The following SLC4A3 variants were observed in gnomAD, a reference collection of about 807,000 sequenced individuals.
SLC4A3 encodes solute carrier family 4 member 3.
SLC4A3 carries 47 observed loss-of-function variants against 114.2 expected under a neutral mutation model. The observed-to-expected ratio is 0.41, with a 90% CI of 0.33 to 0.52. The LOEUF (loss-of-function observed/expected upper bound fraction) is 0.52, where lower values mean the gene tolerates loss of function less well. SLC4A3 is among the 20% of genes least tolerant of loss of function. SLC4A3 has a pLI of 0.21. For synonymous variants in SLC4A3, 693 were observed against 710.3 expected (o/e 0.98, Z 0.39); for missense variants, 1,312 against 1,668.3 (o/e 0.79, Z 3.72).
Position 219,637,477 on chromosome 2 carries a change from C to T in SLC4A3, c.2536-104C>T. The T allele has an allele frequency of 1.5e-6, 1 of 650,540 alleles. No individual in the cohort carries two copies. The highest frequency in any genetic ancestry group is 2.7e-5 in the East Asian group (1 of 37,490). The allele number at this position is 650,540 out of a possible 1,614,324, so 40.3% of individuals were successfully genotyped here. A position where few individuals can be genotyped will look rare whatever the true frequency, so the allele number is the denominator to read the frequency against. ...ATGTCCGTGCATTACTGTTGTCTGACCAGGTATTGAGGGGCCACCCTCTCT... is the reference window on the plus strand; with the variant it reads ...ATGTCCGTGCATTACTGTTGTCTGATCAGGTATTGAGGGGCCACCCTCTCT... On this transcript the variant is annotated intron_variant, in intron 16 of 22. Transcript: ENST00000358055. This position sits in a 1 kb window ranked among gnomAD's most constrained non-coding sequence, Gnocchi z 4.6.
intron 9 of SLC4A3, 93 bp downstream of exon 9, chr2:219,633,102 A>T: frequency 2.0e-6 from 3 of 1,495,490 alleles, no homozygotes; most frequent in Non-Finnish European, 2.8e-6. Flanking sequence ...CTCTGCTTGA[A>T]TGCCACAAGT....
In SLC4A3 at chr2:219,637,885, AC is replaced by A; in HGVS notation, c.2766+78del. 8.0e-7 allele frequency: 1 copy of A among 1,242,432 alleles called. No homozygotes were observed. Among genetic ancestry groups the A allele is most frequent in the Non-Finnish European group, 1.2e-6 (1 of 851,468 alleles). 77.0% of individuals were successfully genotyped at this position (1,242,432 alleles called of 1,614,324 possible). On this transcript the variant is annotated intron_variant, in intron 17 of 22. Transcript: ENST00000358055. This position sits in a 1 kb window ranked among gnomAD's most constrained non-coding sequence, Gnocchi z 4.6. ...TGTAGGAGCTCCCCAGAGAGGCTGC[AC>A]CCCTTCCCCGGTCAGCCCATGGACC...
In SLC4A3 at chr2:219,641,024, T is replaced by G; in HGVS notation, c.3621+62T>G. ...CAAATGGGCACTGGGTTCCAATCTC[T>G]GTTTGGCCACCCACTAGTTGTGTTA... On this transcript the variant is annotated intron_variant, in intron 22 of 22. Transcript: ENST00000358055. The surrounding 1 kb of genome is among the most constrained non-coding windows in gnomAD (Gnocchi z 4.0). 6.1e-6 allele frequency: 9 copies of G among 1,485,706 alleles called. No individual in the cohort carries two copies. The highest frequency in any genetic ancestry group is 8.2e-6 in the Non-Finnish European group (9 of 1,092,760). 92.0% of individuals were successfully genotyped at this position (1,485,706 alleles called of 1,614,324 possible). A position where few individuals can be genotyped will look rare whatever the true frequency, so the allele number is the denominator to read the frequency against.
At position 219,641,327 on chromosome 2, in the gene SLC4A3, A is replaced by C. The variant is rs1206649489; in HGVS notation, c.3622-324A>C. Among the ~76,000 whole-genome samples, 1 of 152,208 alleles carries C rather than the reference A, an allele frequency of 6.6e-6. No individual in the cohort carries two copies. Among genetic ancestry groups the C allele is most frequent in the East Asian group, 1.9e-4 (1 of 5,200 alleles). ...TCCACCCTGAGCCCTGTTTTTGTCA[A>C]CTAGAGGAAAAGACATCTTTTTGCA... On this transcript the variant is annotated intron_variant, in intron 22 of 22. Coordinates refer to ENST00000358055, the MANE Select transcript of SLC4A3 (RefSeq NM_005070.4). This position sits in a 1 kb window ranked among gnomAD's most constrained non-coding sequence, Gnocchi z 4.0.
At chr2:219,635,538 C>T in intron 13 of SLC4A3, 42 bp downstream of exon 13, 1 of 1,529,552 alleles carries the variant, frequency 6.5e-7, no homozygotes. Flanking sequence ...ACACACTCCC[C>T]CATCCCAGGG....
rs1574643550 is a variant in SLC4A3, at chr2:219,628,953, A to C, written c.218-191A>C. 6.7e-6 allele frequency among the ~76,000 whole-genome samples: 1 copy of C among 149,806 alleles called. No individual in the cohort carries two copies. On this transcript the variant is annotated intron_variant, in intron 3 of 22. Transcript: ENST00000358055. This position sits in a 1 kb window ranked among gnomAD's most constrained non-coding sequence, Gnocchi z 4.8. ...CCTTCATGACCTTCCCTGTCCATCC[A>C]CCCTCTCCTCCCACTCCACCAGACC...
At chr2:219,632,183 T>G (rs1216968433) in intron 7 of SLC4A3, 67 bp downstream of exon 7, 2 of 1,607,314 alleles carry the variant, frequency 1.2e-6, no homozygotes, top group African/African-American at 2.7e-5. Flanking sequence ...CCTCCTCTCT[T>G]TGCCCCCCTG....
At position 219,631,750 on chromosome 2, in the gene SLC4A3, C is replaced by T. The variant is rs990682379; in HGVS notation, c.812-218C>T. Among the ~76,000 whole-genome samples the T allele has an allele frequency of 7.2e-5, 11 of 152,154 alleles. No homozygotes were observed. Among genetic ancestry groups the T allele is most frequent in the Admixed American group, 2.0e-4 (3 of 15,292 alleles). On this transcript the variant is annotated intron_variant, in intron 6 of 22. Coordinates refer to ENST00000358055, the MANE Select transcript of SLC4A3 (RefSeq NM_005070.4). The surrounding 1 kb of genome is among the most constrained non-coding windows in gnomAD (Gnocchi z 6.3). ...GTCTACCTTTGGATTGCATCTTGGC[C>T]GGTGGTCCCAGGTGACCATGGGGAG...
rs988772056 is a variant in SLC4A3, at chr2:219,631,526, C to G, written c.812-442C>G. 4 of 1,246,524 alleles carry G rather than the reference C, an allele frequency of 3.2e-6. No homozygotes were observed. In the African/African-American group the frequency reaches 4.6e-5, roughly 14 times the overall value. The allele number at this position is 1,246,524 out of a possible 1,614,324, so 77.2% of individuals were successfully genotyped here. ...GGTGGGGCAGACAGGAGGAAGGGAGCGAAGCCCTGCCTGAGTCTACTGGGC... is the reference window on the plus strand; with the variant it reads ...GGTGGGGCAGACAGGAGGAAGGGAGGGAAGCCCTGCCTGAGTCTACTGGGC... On this transcript the variant is annotated intron_variant, in intron 6 of 22. Coordinates refer to ENST00000358055, the MANE Select transcript of SLC4A3 (RefSeq NM_005070.4). This position sits in a 1 kb window ranked among gnomAD's most constrained non-coding sequence, Gnocchi z 6.3.
Position 219,638,303 on chromosome 2 carries a change from A to T in SLC4A3, c.2856+50A>T. 7.1e-7 allele frequency: 1 copy of T among 1,405,312 alleles called. No individual in the cohort carries two copies. Among genetic ancestry groups the T allele is most frequent in the Non-Finnish European group, 1.0e-6 (1 of 1,002,632 alleles). 87.1% of individuals were successfully genotyped at this position (1,405,312 alleles called of 1,614,324 possible). A position where few individuals can be genotyped will look rare whatever the true frequency, so the allele number is the denominator to read the frequency against. ...GCTGCTGTCACCCCCAGGCCAGGAG[A>T]GGGAGCCCACAACACACTTCCATGG... On this transcript the variant is annotated intron_variant, in intron 18 of 22. Coordinates refer to ENST00000358055, the MANE Select transcript of SLC4A3 (RefSeq NM_005070.4). This position sits in a 1 kb window ranked among gnomAD's most constrained non-coding sequence, Gnocchi z 7.5.
intron 20 of SLC4A3, among the ~76,000 whole-genome samples, 184 bp from the exon 21 acceptor site, chr2:219,640,243 CCTT>C (rs1379696091): frequency 7.7e-6 from 1 of 130,564 alleles, no homozygotes; most frequent in African/African-American, 2.8e-5. Context: ...CCCCGCCCCT[CCTT>C]CTCTTGTTCA....
Position 219,628,586 on chromosome 2 carries a change from AC to A in SLC4A3, c.217+20del. The A allele has an allele frequency of 6.2e-7, 1 of 1,609,460 alleles. No homozygotes were observed. Among genetic ancestry groups the A allele is most frequent in the Admixed American group, 1.7e-5 (1 of 58,968 alleles). ...GACTTTGAGTGTGGGTAGCCTGGGG[AC>A]CCCTAGTGCGGCCGCCCTCGCCACC... is the stretch of plus-strand genomic sequence containing the variant. On this transcript the variant is annotated intron_variant, in intron 3 of 22. Coordinates refer to ENST00000358055, the MANE Select transcript of SLC4A3 (RefSeq NM_005070.4). The surrounding 1 kb of genome is among the most constrained non-coding windows in gnomAD (Gnocchi z 4.8).
In SLC4A3 at chr2:219,637,399, G is replaced by A. The variant is rs1315956292; in HGVS notation, c.2536-182G>A. On this transcript the variant is annotated intron_variant, in intron 16 of 22. Coordinates refer to ENST00000358055, the MANE Select transcript of SLC4A3 (RefSeq NM_005070.4). This position sits in a 1 kb window ranked among gnomAD's most constrained non-coding sequence, Gnocchi z 4.6. ...GTGTGTGTTGTTACGTGTTGTGTGT[G>A]TTGTATGTGTGTGTTCTGTGTGTTC... 1.3e-5 allele frequency among the ~76,000 whole-genome samples: 2 copies of A among 151,872 alleles called. No homozygotes were observed. Among genetic ancestry groups the A allele is most frequent in the African/African-American group, 4.8e-5 (2 of 41,340 alleles).
At position 219,638,933 on chromosome 2, in the gene SLC4A3, T is replaced by C. The variant is rs1574657727; in HGVS notation, c.3023+64T>C. Reference sequence around the variant, plus strand: ...CAAGCTCCTTGGCTCCTTGGCTTGGTTTCAGGGTTATAGCAGGGACATCAT... The same window carrying C: ...CAAGCTCCTTGGCTCCTTGGCTTGGCTTCAGGGTTATAGCAGGGACATCAT... On this transcript the variant is annotated intron_variant, in intron 19 of 22. Coordinates refer to ENST00000358055, the MANE Select transcript of SLC4A3 (RefSeq NM_005070.4). The surrounding 1 kb of genome is among the most constrained non-coding windows in gnomAD (Gnocchi z 7.5). The C allele has an allele frequency of 6.4e-7, 1 of 1,561,178 alleles. No homozygotes were observed. The highest frequency in any genetic ancestry group is 1.1e-5 in the South Asian group (1 of 88,582).
Position 219,630,986 on chromosome 2 carries a change from G to A in SLC4A3, c.811+634G>A. The A allele has an allele frequency of 2.4e-6, 1 of 417,148 alleles. No individual in the cohort carries two copies. The highest frequency in any genetic ancestry group is 3.4e-6 in the Non-Finnish European group (1 of 293,386). 25.8% of individuals were successfully genotyped at this position (417,148 alleles called of 1,614,324 possible). The stretch of plus-strand genomic sequence containing the variant: ...ACGTCATGGAAAGTTGCCAGGGCCT[G>A]AGGACAGGGACAGGAACAATCCGAT... On this transcript the variant is annotated intron_variant, in intron 6 of 22. Transcript: ENST00000358055. The surrounding 1 kb of genome is among the most constrained non-coding windows in gnomAD (Gnocchi z 6.9).
In SLC4A3 at chr2:219,628,428, C is replaced by T; in HGVS notation, c.75C>T (p.Pro25=). ...AGGTCCGGGTGCCCTTGGAGGAGCC[C>T]CCTCTAAGTCCAGACGTGGAGGAGG... ...LPQVRVPLEE[P]PLSPDVEEED... Residue 25 remains proline, a synonymous_variant, in exon 3 of 23, where the codon CCC becomes CCT. Transcript: ENST00000358055. The surrounding 1 kb of genome is among the most constrained non-coding windows in gnomAD (Gnocchi z 4.8). The T allele has an allele frequency of 6.2e-7, 1 of 1,612,862 alleles. No homozygotes were observed. The highest frequency in any genetic ancestry group is 8.5e-7 in the Non-Finnish European group (1 of 1,179,620).
intron 20 of SLC4A3, among the ~76,000 whole-genome samples, 194 bp from the exon 21 acceptor site, chr2:219,640,236 C>G (rs1376329396): frequency 1.7e-5 from 2 of 117,686 alleles, no homozygotes; most frequent in African/African-American, 6.5e-5. Flanking sequence ...CCCCCCCCCC[C>G]GCCCCTCCTT....
rs1291509257 is a variant in SLC4A3 at position 219,641,891 on chromosome 2, G to T, written c.*163G>T. 2 of 609,440 alleles carry T rather than the reference G, an allele frequency of 3.3e-6. No homozygotes were observed. The highest frequency in any genetic ancestry group is 5.9e-6 in the Non-Finnish European group (2 of 340,518). 37.8% of individuals were successfully genotyped at this position (609,440 alleles called of 1,614,324 possible). On this transcript the variant is annotated 3_prime_UTR_variant, in exon 23 of 23. Coordinates refer to ENST00000358055, the MANE Select transcript of SLC4A3 (RefSeq NM_005070.4). The surrounding 1 kb of genome is among the most constrained non-coding windows in gnomAD (Gnocchi z 4.0). Reference sequence around the variant, plus strand: ...GAGTGGCCCCCCTGACTTCTGCCCGGGGTGTTGACCTCGCCTCACCTTTCA... The same window carrying T: ...GAGTGGCCCCCCTGACTTCTGCCCGTGGTGTTGACCTCGCCTCACCTTTCA...
rs778676773 is a variant in SLC4A3 at position 219,630,167 on chromosome 2, G to C, written c.626G>C (p.Arg209Pro). ...TGCCTCCCCAGCTCCCCCAGCCCCC[G>C]GGCCCGGGCCTCCCGACTCGCTGGG... is the stretch of plus-strand genomic sequence containing the variant. The part of the protein sequence containing the change: ...PQHSSSSPSP[R>P]ARASRLAGEK... The change falls in exon 6 of 23, where the codon CGG becomes CCG. Residue 209 changes from arginine to proline, a missense_variant. This residue lies in a region of SLC4A3 where 771 missense variants were observed against 977.7 expected (regional missense o/e 0.79). Coordinates refer to ENST00000358055, the MANE Select transcript of SLC4A3 (RefSeq NM_005070.4). The surrounding 1 kb of genome is among the most constrained non-coding windows in gnomAD (Gnocchi z 6.9). 7 of 1,606,500 alleles carry C rather than the reference G, an allele frequency of 4.4e-6. No homozygotes were observed. The African/African-American group carries it at 9.4e-5, about 21-fold the overall frequency.
Sources: gnomAD v4.1 joint callset for allele counts (sites outside exome capture counted in the v4.1 genomes callset) on GRCh38, gnomAD v4.1.1 for gene constraint, gnomAD v4.1.1 regional missense constraint, Gnocchi (gnomAD v3.1) non-coding constraint, MANE v1.5 for transcripts, NCBI Gene and HGNC (gene_info 2026-07-23, HGNC 2026-07-21) for gene names.